TRABD2B: variants seen among roughly 807,000 people sequenced by gnomAD.
TRABD2B encodes the protein TraB domain containing 2B.
In TRABD2B, 14 loss-of-function variants were observed where a neutral mutation model predicts 40.1. That is an observed-to-expected ratio of 0.35 (90% confidence interval 0.23 to 0.55). The LOEUF is 0.55. Ranked by LOEUF, TRABD2B falls within the 20% of genes least tolerant of loss-of-function variation. The probability of loss-of-function intolerance (pLI) is 0.90; values close to 1 mark genes in which losing one functional copy is unlikely to be tolerated. For missense variants in TRABD2B, 541 were observed against 648.6 expected (o/e 0.83, Z 1.80); for synonymous variants, 263 against 277.0 (o/e 0.95, Z 0.50).
chr1:47,864,471 A>AAAAAAAGT (rs1175539035), intron 2 of TRABD2B, among the ~76,000 whole-genome samples: 1 of 152,122 alleles, frequency 6.6e-6, no homozygotes, highest in Non-Finnish European at 1.5e-5. Flanking sequence ...GCTCTAAAAA[A>AAAAAAAGT]AAAAAAGTCT....
rs893325428 is a variant in TRABD2B at position 47,778,515 on chromosome 1, C to T, written c.1018G>A (p.Asp340Asn). The change falls in exon 5 of 7, where the codon GAC becomes AAC. Residue 340 changes from aspartate to asparagine, a missense_variant. Asp to Asn is a conservative substitution (Grantham distance 23). Transcript: ENST00000606738. ...GHFLGNNTVI[D>N]ILRQAGLEVD... Reference sequence around the variant, plus strand: ...TCCAGCCCTGCCTGCCGCAGGATGTCGATGACTGTGTTGTTCCCCAGAAAG... The same window carrying T: ...TCCAGCCCTGCCTGCCGCAGGATGTTGATGACTGTGTTGTTCCCCAGAAAG... The T allele has an allele frequency of 3.9e-6, 6 of 1,536,144 alleles. No homozygotes were observed. In the East Asian group the frequency reaches 7.3e-5, roughly 19 times the overall value.
rs1190340135 is a variant in TRABD2B at position 47,813,892 on chromosome 1, C to T, written c.667-12273G>A. ...CCATGGGACCAAATCAGTACCCTGT[C>T]CATCCTTGACAAGCTCAAAGGCAGG... On this transcript the variant is annotated intron_variant, in intron 2 of 6. Coordinates refer to ENST00000606738, the MANE Select transcript of TRABD2B (RefSeq NM_001194986.2). The surrounding 1 kb of genome is among the most constrained non-coding windows in gnomAD (Gnocchi z 4.3). Among the ~76,000 whole-genome samples, 1 of 152,158 alleles carries T rather than the reference C, an allele frequency of 6.6e-6. No individual in the cohort carries two copies. The highest frequency in any genetic ancestry group is 1.9e-4 in the East Asian group (1 of 5,186).
intron 2 of TRABD2B, among the ~76,000 whole-genome samples, chr1:47,810,673 A>C (rs1184256826): frequency 1.3e-5 from 2 of 152,214 alleles, no homozygotes; most frequent in African/African-American, 4.8e-5. Context: ...AAGAGCAGTG[A>C]TTGTCAGAAT....
chr1:47,867,935 G>T (rs1374646524), intron 2 of TRABD2B, among the ~76,000 whole-genome samples: 1 of 152,178 alleles, frequency 6.6e-6, no homozygotes, highest in Non-Finnish European at 1.5e-5. Context: ...CTCCAATTTT[G>T]GAGGCCTGAA....
chr1:47,906,702 C>T (rs2124692862), intron 2 of TRABD2B, among the ~76,000 whole-genome samples: 2 of 152,380 alleles, frequency 1.3e-5, no homozygotes, highest in East Asian at 3.9e-4. Context: ...TGGATTTCTC[C>T]ACAGCTGCCC....
At chr1:47,818,259 T>C (rs1242140753) in intron 2 of TRABD2B, 1 of 152,434 alleles carries the variant, frequency 6.6e-6, no homozygotes, top group East Asian at 1.9e-4. Context: ...CAGCTCATGA[T>C]GCACACAGCT....
chr1:47,923,388 A>G (rs1644926653), intron 2 of TRABD2B, among the ~76,000 whole-genome samples: 1 of 152,208 alleles, frequency 6.6e-6, no homozygotes, highest in South Asian at 2.1e-4. Flanking sequence ...TTCAGCACCT[A>G]ACTGTGCCTG....
chr1:47,801,360 G>A, intron 3 of TRABD2B, 113 bp downstream of exon 3: 2 of 1,141,772 alleles, frequency 1.8e-6, no homozygotes, highest in African/African-American at 1.5e-5. Flanking sequence ...CCTATAAAAG[G>A]GGAATAACGA....
In TRABD2B at chr1:47,997,301, C is replaced by G; in HGVS notation, c.-512G>C. 1 of 869,924 alleles carries G rather than the reference C, an allele frequency of 1.1e-6. No individual in the cohort carries two copies. Among genetic ancestry groups the G allele is most frequent in the Middle Eastern group, 5.8e-4 (1 of 1,716 alleles). 53.9% of individuals were successfully genotyped at this position (869,924 alleles called of 1,614,324 possible). A position where few individuals can be genotyped will look rare whatever the true frequency, so the allele number is the denominator to read the frequency against. ...TCTGGGGCGACCGGCTGCCCCCGAG[C>G]CCGGCTCAGAGGGGCGGCGGGCGGC... is the stretch of plus-strand genomic sequence containing the variant. On this transcript the variant is annotated 5_prime_UTR_variant, in exon 1 of 7. Coordinates refer to ENST00000606738, the MANE Select transcript of TRABD2B (RefSeq NM_001194986.2).
intron 1 of TRABD2B, among the ~76,000 whole-genome samples, chr1:47,995,380 A>T (rs567163105): frequency 6.6e-6 from 1 of 152,282 alleles, no homozygotes; most frequent in African/African-American, 2.4e-5. Flanking sequence ...AATTAGTCCC[A>T]AGAAATGTAC....
At chr1:47,978,765 G>A (rs1029787785) in intron 2 of TRABD2B, among the ~76,000 whole-genome samples, 3 of 152,112 alleles carry the variant, frequency 2.0e-5, no homozygotes, top group African/African-American at 7.2e-5. Flanking sequence ...GCCCTCTGAC[G>A]TCCTCGCTCC....
rs568409162 is a variant in TRABD2B, at chr1:47,847,048, C to T, written c.667-45429G>A. The stretch of plus-strand genomic sequence containing the variant: ...CAGGTGTTTCTTCTCTGACCTCCTC[C>T]CCACTGGAGCATCTGGAGAGGAGGT... On this transcript the variant is annotated intron_variant, in intron 2 of 6. Coordinates refer to ENST00000606738, the MANE Select transcript of TRABD2B (RefSeq NM_001194986.2). 2.0e-3 allele frequency among the ~76,000 whole-genome samples: 299 copies of T among 152,178 alleles called. 1 individual carries two copies. Among genetic ancestry groups the T allele is most frequent in the African/African-American group, 7.0e-3 (289 of 41,526 alleles).
At chr1:47,900,336 CTAAAGCCA>C (rs1171594656) in intron 2 of TRABD2B, among the ~76,000 whole-genome samples, 1 of 152,190 alleles carries the variant, frequency 6.6e-6, no homozygotes, top group Admixed American at 6.5e-5. Flanking sequence ...GGAGAGAGTG[CTAAAGCCA>C]TGAGTTGGCA....
intron 4 of TRABD2B, among the ~76,000 whole-genome samples, chr1:47,783,039 G>A (rs1256169168): frequency 6.6e-6 from 1 of 152,150 alleles, no homozygotes; most frequent in Non-Finnish European, 1.5e-5. Flanking sequence ...CCATGGGGTG[G>A]GGGGGTTGCG....
At chr1:47,806,397 T>G (rs1278652723) in intron 2 of TRABD2B, among the ~76,000 whole-genome samples, 1 of 152,228 alleles carries the variant, frequency 6.6e-6, no homozygotes, top group Non-Finnish European at 1.5e-5. Context: ...TTCCCAAGCC[T>G]GGTGCTGCTC....
At chr1:47,914,332 C>T (rs1298517027) in intron 2 of TRABD2B, among the ~76,000 whole-genome samples, 4 of 152,254 alleles carry the variant, frequency 2.6e-5, no homozygotes, top group Non-Finnish European at 5.9e-5. Flanking sequence ...AAACCGCTCA[C>T]AAGCACAAGT....
intron 2 of TRABD2B, among the ~76,000 whole-genome samples, chr1:47,837,675 C>T (rs935157326): frequency 6.6e-6 from 1 of 152,118 alleles, no homozygotes; most frequent in Non-Finnish European, 1.5e-5. Flanking sequence ...TTCCATGGCC[C>T]GAGTCCTCCT....
chr1:47,997,302 C>A lies in TRABD2B; in HGVS notation c.-513G>T, dbSNP rs957367459. The A allele has an allele frequency of 2.3e-6, 2 of 866,342 alleles. No homozygotes were observed. The highest frequency in any genetic ancestry group is 3.7e-5 in the African/African-American group (2 of 53,676). The allele number at this position is 866,342 out of a possible 1,614,324, so 53.7% of individuals were successfully genotyped here. The stretch of plus-strand genomic sequence containing the variant: ...CTGGGGCGACCGGCTGCCCCCGAGC[C>A]CGGCTCAGAGGGGCGGCGGGCGGCC... On this transcript the variant is annotated 5_prime_UTR_variant, in exon 1 of 7. Transcript: ENST00000606738.
chr1:47,786,559 C>T (rs531280384), intron 4 of TRABD2B, among the ~76,000 whole-genome samples: 2 of 152,324 alleles, frequency 1.3e-5, no homozygotes, highest in East Asian at 1.9e-4. Context: ...CAGATGCATG[C>T]GTGGTGGGGT....
Sources: gnomAD v4.1 joint callset for allele counts (sites outside exome capture counted in the v4.1 genomes callset) on GRCh38, gnomAD v4.1.1 for gene constraint, Gnocchi (gnomAD v3.1) non-coding constraint, MANE v1.5 for transcripts, NCBI Gene and HGNC (gene_info 2026-07-23, HGNC 2026-07-21) for gene names.